The following ZMYM6 variants were observed in gnomAD, a reference collection of about 807,000 sequenced individuals.
The protein encoded by ZMYM6 is zinc finger MYM-type containing 6, also known as zinc finger MYM-type protein 6.
A neutral mutation model predicts 134.0 loss-of-function variants in ZMYM6; 90 were observed. The observed-to-expected ratio is 0.67, with a 90% CI of 0.57 to 0.80. The LOEUF (loss-of-function observed/expected upper bound fraction) is 0.80. ZMYM6 is among the 30% of genes least tolerant of loss of function. The probability of loss-of-function intolerance (pLI) is 0.00; values close to 1 mark genes in which losing one functional copy is unlikely to be tolerated. For synonymous variants in ZMYM6, 481 were observed against 524.1 expected (o/e 0.92, Z 1.12); for missense variants, 1,362 against 1,533.9 (o/e 0.89, Z 1.87).
At chr1:35,008,680 T>G in intron 11 of ZMYM6, 72 bp downstream of exon 11, 3 of 1,516,878 alleles carry the variant, frequency 2.0e-6, no homozygotes, top group South Asian at 1.3e-5. Flanking sequence ...TTCACATAAT[T>G]TGAATACATT....
At chr1:35,009,055 C>G in intron 10 of ZMYM6, 131 bp from the exon 11 acceptor site, 1 of 915,170 alleles carries the variant, frequency 1.1e-6, no homozygotes. Flanking sequence ...CTCTAGATTA[C>G]AGGACAGTCT....
intron 15 of ZMYM6, chr1:34,990,022 A>G (rs1640644400): frequency 6.6e-6 from 1 of 152,226 alleles, no homozygotes; most frequent in Non-Finnish European, 1.5e-5. Flanking sequence ...CTGGATGAAG[A>G]GTATACTAGT....
chr1:34,988,970 G>A lies in ZMYM6; in HGVS notation c.2147-35C>T, dbSNP rs1421637224. ...ATATTTGAATCACTGTTATTTTCAA[G>A]AACAAATAAGCAATGTTCTTTATGT... On this transcript the variant is annotated intron_variant, in intron 15 of 15. Transcript: ENST00000357182. The A allele has an allele frequency of 2.0e-5, 31 of 1,587,386 alleles. 1 individual carries two copies. The East Asian group carries it at 6.5e-4, about 33-fold the overall frequency.
intron 1 of ZMYM6, among the ~76,000 whole-genome samples, chr1:35,031,052 T>C (rs1029146509): frequency 2.0e-5 from 3 of 152,210 alleles, no homozygotes; most frequent in Non-Finnish European, 2.9e-5. Context: ...AAGAAATAGT[T>C]TCTGACCCCA....
intron 14 of ZMYM6, among the ~76,000 whole-genome samples, chr1:34,994,459 G>A (rs1228737467): frequency 6.6e-6 from 1 of 152,144 alleles, no homozygotes; most frequent in Non-Finnish European, 1.5e-5. Context: ...GTGGGAGAAA[G>A]CTTGGCATGC....
At chr1:34,991,805 G>A (rs11805762) in intron 15 of ZMYM6, among the ~76,000 whole-genome samples, 36,060 of 151,642 alleles carry the variant, frequency 0.24, 10,433 homozygotes, top group African/African-American at 0.69. Context: ...AAAAAACCCA[G>A]TGCTTTAGGC....
At chr1:35,001,606 T>C (rs1210420396) in intron 14 of ZMYM6, among the ~76,000 whole-genome samples, 1 of 152,148 alleles carries the variant, frequency 6.6e-6, no homozygotes, top group Non-Finnish European at 1.5e-5. Context: ...TATAATACAT[T>C]AATACCTTGA....
chr1:35,012,600 A>G lies in ZMYM6; in HGVS notation c.796-19T>C. On this transcript the variant is annotated intron_variant, in intron 6 of 15. Transcript: ENST00000357182. ...CAGAATTCTATTAAAATAAAATAACATTAGATACCTAGTACAAACATACAT... is the reference window on the plus strand; with the variant it reads ...CAGAATTCTATTAAAATAAAATAACGTTAGATACCTAGTACAAACATACAT... 3 of 1,611,980 alleles carry G rather than the reference A, an allele frequency of 1.9e-6. No individual in the cohort carries two copies. The highest frequency in any genetic ancestry group is 1.7e-6 in the Non-Finnish European group (2 of 1,179,144).
rs1200508201 is a variant in ZMYM6 at position 34,988,186 on chromosome 1, C to G, written c.2896G>C (p.Asp966His). The change falls in exon 16 of 16, where the codon GAT becomes CAT. Residue 966 changes from aspartate (D) to histidine (H), a missense_variant. Coordinates refer to ENST00000357182, the MANE Select transcript of ZMYM6 (RefSeq NM_007167.4). ...EIFELINKYIDSKSLNWKHCV... is the reference protein window; with the variant it reads ...EIFELINKYIHSKSLNWKHCV... ...TGTTTCCAATTCAGAGATTTACTAT[C>G]AATATATTTATTTATTAGTTCAAAT... 1.3e-6 allele frequency: 2 copies of G among 1,548,586 alleles called. No individual in the cohort carries two copies. Among genetic ancestry groups the G allele is most frequent in the Non-Finnish European group, 1.7e-6 (2 of 1,145,602 alleles).
rs760390373 is a variant in ZMYM6, at chr1:35,019,535, T to G, written c.246A>C (p.Ser82=). 4.3e-6 allele frequency: 7 copies of G among 1,613,984 alleles called. No individual in the cohort carries two copies. The highest frequency in any genetic ancestry group is 1.6e-4 in the Middle Eastern group (1 of 6,082). Residue 82 remains serine, a synonymous_variant, in exon 4 of 16, where the codon TCA becomes TCC. Coordinates refer to ENST00000357182, the MANE Select transcript of ZMYM6 (RefSeq NM_007167.4). ...ASSGPSVLLP[S]VPAVAIKVFC... ...AAACCTTAATAGCAACAGCTGGAAC[T>G]GAAGGAAGCAACACACTTGGGCCAG... is the stretch of plus-strand genomic sequence containing the variant.
intron 12 of ZMYM6, among the ~76,000 whole-genome samples, chr1:35,006,334 G>C (rs535003950): frequency 3.9e-5 from 6 of 152,126 alleles, no homozygotes; most frequent in Non-Finnish European, 5.9e-5. Flanking sequence ...CTAATACTTA[G>C]AAAGAAATAC....
rs770588682 is a variant in ZMYM6 at position 35,007,079 on chromosome 1, C to T, written c.1685G>A (p.Cys562Tyr). 6.2e-7 allele frequency: 1 copy of T among 1,602,346 alleles called. No homozygotes were observed. The highest frequency in any genetic ancestry group is 1.7e-5 in the Admixed American group (1 of 58,580). ...LFYQMAKCDG[C>Y]KRQGKLSESI... ...CTCGCTTAGTTTACCCTGTCGTTTACAACCATCACACTTGGCCATCTGAAA... is the reference window on the plus strand; with the variant it reads ...CTCGCTTAGTTTACCCTGTCGTTTATAACCATCACACTTGGCCATCTGAAA... The change falls in exon 12 of 16, where the codon TGT becomes TAT. Residue 562 changes from cysteine to tyrosine, a missense_variant. Physicochemically the swap from Cys to Tyr is radical, Grantham distance 194. Coordinates refer to ENST00000357182, the MANE Select transcript of ZMYM6 (RefSeq NM_007167.4).
At chr1:34,990,692 T>A (rs991337340) in intron 15 of ZMYM6, among the ~76,000 whole-genome samples, 6 of 152,030 alleles carry the variant, frequency 3.9e-5, no homozygotes, top group African/African-American at 1.5e-4. Context: ...AAGAATCTCA[T>A]ACCCAGGTAA....
At chr1:35,008,625 A>G (rs1444907116) in intron 11 of ZMYM6, 127 bp downstream of exon 11, 10 of 856,456 alleles carry the variant, frequency 1.2e-5, no homozygotes, top group East Asian at 8.4e-5. Flanking sequence ...TTTTTCTATT[A>G]TAGCCCATAA....
chr1:35,013,723 G>A, intron 6 of ZMYM6: 1 of 964,156 alleles, frequency 1.0e-6, no homozygotes, highest in South Asian at 4.8e-5. Context: ...AGACAGTCTT[G>A]CTCTGTCACC....
chr1:35,022,980 GATA>G (rs1157662045), intron 2 of ZMYM6, among the ~76,000 whole-genome samples: 2 of 151,960 alleles, frequency 1.3e-5, no homozygotes, highest in East Asian at 3.8e-4. Context: ...GTAAAATAAA[GATA>G]ATATTACCTA....
At chr1:35,015,743 A>AAAAAAAAAAATATATATATATATATATAT in intron 4 of ZMYM6, among the ~76,000 whole-genome samples, 1 of 106,476 alleles carries the variant, frequency 9.4e-6, no homozygotes, top group African/African-American at 6.6e-5. Context: ...AAAAAAAAAA[A>AAAAAAAAAAATATATATATATATATATAT]ATATATATAT....
At position 34,987,795 on chromosome 1, in the gene ZMYM6, T is replaced by C. The variant is rs1237293902; in HGVS notation, c.3287A>G (p.Lys1096Arg). 3 of 1,551,306 alleles carry C rather than the reference T, an allele frequency of 1.9e-6. No homozygotes were observed. In the Admixed American group the frequency reaches 5.9e-5, roughly 30 times the overall value. The change falls in exon 16 of 16, where the codon AAG becomes AGG. Residue 1096 changes from lysine to arginine, a missense_variant. Physicochemically the swap from Lys to Arg is conservative, Grantham distance 26 (BLOSUM62 2). Coordinates refer to ENST00000357182, the MANE Select transcript of ZMYM6 (RefSeq NM_007167.4). ...RHEIEIFLSQ[K>R]HSDLAKYFHD... ...AAAATACTTGGCCAAATCTGAATGC[T>C]TTTGACTTAAAAATATTTCAATCTC... is the stretch of plus-strand genomic sequence containing the variant.
chr1:35,015,673 G>A (rs1277015433), intron 4 of ZMYM6, among the ~76,000 whole-genome samples: 5 of 140,246 alleles, frequency 3.6e-5, no homozygotes, highest in African/African-American at 5.5e-5. Flanking sequence ...GCAGTGAGCC[G>A]AGATTGTGCC....
Sources: gnomAD v4.1 joint callset for allele counts (sites outside exome capture counted in the v4.1 genomes callset) on GRCh38, gnomAD v4.1.1 for gene constraint, MANE v1.5 for transcripts, NCBI Gene and HGNC (gene_info 2026-07-23, HGNC 2026-07-21) for gene names.